CASR: variants seen among roughly 807,000 people sequenced by gnomAD.
CASR encodes calcium sensing receptor, also known as extracellular calcium-sensing receptor.
In CASR, 23 loss-of-function variants were observed where a neutral mutation model predicts 69.1. That is an observed-to-expected ratio of 0.33 (90% confidence interval 0.24 to 0.47). The LOEUF is 0.47. Among genes scored for constraint, CASR ranks in the 20% least tolerant of loss-of-function variants. The pLI is 1.00. For synonymous variants in CASR, 541 were observed against 544.7 expected, an observed-to-expected ratio of 0.99 and a Z score of 0.10; for missense variants, 924 against 1,356.1, an observed-to-expected ratio of 0.68 and a Z score of 5.00.
At chr3:122,272,301 G>A (rs1307585770) in intron 4 of CASR, among the ~76,000 whole-genome samples, 1 of 152,116 alleles carries the variant, frequency 6.6e-6, no homozygotes, top group Non-Finnish European at 1.5e-5. Context: ...ACTTTTTAAT[G>A]TGAAATCTAG....
At chr3:122,265,261 T>G (rs1186713803) in intron 4 of CASR, among the ~76,000 whole-genome samples, 3 of 152,246 alleles carry the variant, frequency 2.0e-5, no homozygotes, top group African/African-American at 7.2e-5. Flanking sequence ...GTTAAAATTC[T>G]GGTTATAAGG....
At chr3:122,278,015 A>T (rs1020581414) in intron 5 of CASR, among the ~76,000 whole-genome samples, 1 of 152,180 alleles carries the variant, frequency 6.6e-6, no homozygotes, top group Non-Finnish European at 1.5e-5. Flanking sequence ...AAATCTTAGG[A>T]TCTACTCTAT....
chr3:122,268,355 T>TA (rs34853601), intron 4 of CASR, among the ~76,000 whole-genome samples: 59 of 152,246 alleles, frequency 3.9e-4, no homozygotes, highest in African/African-American at 1.4e-3. Context: ...ATCTAGCTAG[T>TA]AAAAAAGCTA....
chr3:122,222,690 C>T (rs752722069), intron 1 of CASR, among the ~76,000 whole-genome samples: 16 of 152,074 alleles, frequency 1.1e-4, no homozygotes, highest in Admixed American at 3.9e-4. Flanking sequence ...ATATTCTGGA[C>T]GTAAACTCAA....
At chr3:122,205,212 G>A (rs1233715932) in intron 1 of CASR, among the ~76,000 whole-genome samples, 1 of 152,006 alleles carries the variant, frequency 6.6e-6, no homozygotes, top group African/African-American at 2.4e-5. Flanking sequence ...ATAGTTTCGG[G>A]TCTTATATTT....
At chr3:122,201,695 G>A (rs910982130) in intron 1 of CASR, among the ~76,000 whole-genome samples, 82 of 147,964 alleles carry the variant, frequency 5.5e-4, no homozygotes, top group African/African-American at 1.8e-3. Context: ...CCTCCCTCCC[G>A]GACGGGGCGG....
chr3:122,278,831 T>G (rs977176152), intron 5 of CASR, among the ~76,000 whole-genome samples: 8 of 152,204 alleles, frequency 5.3e-5, no homozygotes, highest in Admixed American at 2.0e-4. Flanking sequence ...AGCCTGTTCC[T>G]TAACCATTAA....
At chr3:122,184,751 G>A (rs1342867279) in intron 1 of CASR, among the ~76,000 whole-genome samples, 1 of 152,244 alleles carries the variant, frequency 6.6e-6, no homozygotes, top group Non-Finnish European at 1.5e-5. Context: ...GCCCCTAGAA[G>A]GGGCAGCGGG....
chr3:122,209,672 T>C lies in CASR; in HGVS notation c.-243+25860T>C, dbSNP rs35586355. Among the ~76,000 whole-genome samples, 624 of 152,170 alleles carry C rather than the reference T, an allele frequency of 4.1e-3. 3 individuals are homozygous for C. The highest frequency in any genetic ancestry group is 0.015 in the African/African-American group (602 of 41,502). ...CACGTGGGAACTATGGGAGTACAAT[T>C]CAAGATGAGATTTGGGTGGGGACAC... On this transcript the variant is annotated intron_variant, in intron 1 of 6. Coordinates refer to ENST00000639785, the MANE Select transcript of CASR (RefSeq NM_000388.4).
Position 122,289,815 on chromosome 3 carries a change from C to G in CASR, c.*4624C>G, listed in dbSNP as rs1179880527. 6.6e-6 allele frequency: 1 copy of G among 152,470 alleles called. No homozygotes were observed. Among genetic ancestry groups the G allele is most frequent in the African/African-American group, 2.4e-5 (1 of 41,410 alleles). The allele number at this position is 152,470 out of a possible 1,614,324, so 9.4% of individuals were successfully genotyped here. A position where few individuals can be genotyped will look rare whatever the true frequency, so the allele number is the denominator to read the frequency against. On this transcript the variant is annotated 3_prime_UTR_variant, in exon 7 of 7. Transcript: ENST00000639785. ...CTGAGGCCAGATGCAGAGGCTCATGCCTGCAATCCCAGCACTTTGGGAGGC... is the reference window on the plus strand; with the variant it reads ...CTGAGGCCAGATGCAGAGGCTCATGGCTGCAATCCCAGCACTTTGGGAGGC...
chr3:122,213,470 C>A lies in CASR; in HGVS notation c.-243+29658C>A, dbSNP rs535811643. Among the ~76,000 whole-genome samples, 29 of 152,242 alleles carry A rather than the reference C, an allele frequency of 1.9e-4. 1 individual carries two copies. In the South Asian group the frequency reaches 5.4e-3, roughly 28 times the overall value. The stretch of plus-strand genomic sequence containing the variant: ...CAGAGTTAGTTCCCATAATTGTTTC[C>A]TCTTTATGGCTTCATTACCAAGCTT... On this transcript the variant is annotated intron_variant, in intron 1 of 6. Coordinates refer to ENST00000639785, the MANE Select transcript of CASR (RefSeq NM_000388.4).
intron 1 of CASR, among the ~76,000 whole-genome samples, chr3:122,201,002 T>TC (rs1159347908): frequency 1.6e-5 from 1 of 63,936 alleles, no homozygotes; most frequent in Non-Finnish European, 4.2e-5. Context: ...TTCTTTTTTT[T>TC]TTATTTTTTT....
intron 1 of CASR, chr3:122,247,372 T>C (rs2074437938): frequency 6.6e-6 from 1 of 152,294 alleles, no homozygotes; most frequent in African/African-American, 2.4e-5. Flanking sequence ...TTCCTTATGA[T>C]TTGGAGAGGC....
chr3:122,222,860 C>G (rs1386289537), intron 1 of CASR, among the ~76,000 whole-genome samples: 3 of 151,748 alleles, frequency 2.0e-5, no homozygotes, highest in Non-Finnish European at 4.4e-5. Context: ...AGAAATCATG[C>G]CAACCACACT....
At chr3:122,265,188 G>T (rs759962449) in intron 4 of CASR, among the ~76,000 whole-genome samples, 5 of 152,124 alleles carry the variant, frequency 3.3e-5, no homozygotes, top group Non-Finnish European at 7.4e-5. Flanking sequence ...CCTCATTTTT[G>T]ATGTTTATAT....
chr3:122,241,246 C>T (rs115090949), intron 1 of CASR, among the ~76,000 whole-genome samples: 2,397 of 151,652 alleles, frequency 0.016, 32 homozygotes, highest in South Asian at 0.07. Flanking sequence ...AAATGAAAAG[C>T]GGGTGTTTTG....
In CASR at chr3:122,261,836, C is replaced by T. The variant is rs148721982; in HGVS notation, c.801C>T (p.Ile267=). The change falls in exon 4 of 7, where the codon ATC becomes ATT. Residue 267 remains isoleucine (I), a synonymous_variant. Coordinates refer to ENST00000639785, the MANE Select transcript of CASR (RefSeq NM_000388.4). ...TTCAAAATTCCACGGCCAAAGTCAT[C>T]GTGGTTTTCTCCAGTGGCCCAGATC... is the stretch of plus-strand genomic sequence containing the variant. The part of the protein sequence containing the change: ...EVIQNSTAKV[I]VVFSSGPDLE... The T allele has an allele frequency of 6.2e-7, 1 of 1,614,212 alleles. No homozygotes were observed.
intron 1 of CASR, among the ~76,000 whole-genome samples, chr3:122,232,745 GC>G (rs2074291394): frequency 1.3e-5 from 2 of 152,258 alleles, no homozygotes. Flanking sequence ...GATCTCGAAA[GC>G]CCTTTCTGAC....
Position 122,270,577 on chromosome 3 carries a change from A to G in CASR, c.1378-5235A>G, listed in dbSNP as rs570439492. Among the ~76,000 whole-genome samples, 5 of 152,208 alleles carry G rather than the reference A, an allele frequency of 3.3e-5. No homozygotes were observed. In the South Asian group the frequency reaches 1.0e-3, roughly 32 times the overall value. ...TTTGCTCTTCTTTTTGTAGTTACTTATTTGGAAACTGAAGTCATTGATTTA... is the reference window on the plus strand; with the variant it reads ...TTTGCTCTTCTTTTTGTAGTTACTTGTTTGGAAACTGAAGTCATTGATTTA... On this transcript the variant is annotated intron_variant, in intron 4 of 6. Coordinates refer to ENST00000639785, the MANE Select transcript of CASR (RefSeq NM_000388.4).
Sources: gnomAD v4.1 joint callset for allele counts (sites outside exome capture counted in the v4.1 genomes callset) on GRCh38, gnomAD v4.1.1 for gene constraint, MANE v1.5 for transcripts, NCBI Gene and HGNC (gene_info 2026-07-23, HGNC 2026-07-21) for gene names.